The following NR1D2 variants were observed in gnomAD, a reference collection of about 807,000 sequenced individuals.
NR1D2 encodes the protein V-erbA-related protein 1-related.
Under a neutral mutation model 52.2 loss-of-function variants are expected in NR1D2, and 25 were observed. The observed-to-expected ratio is 0.48, with a 90% CI of 0.35 to 0.67. The LOEUF (loss-of-function observed/expected upper bound fraction) is 0.67, where lower values mean the gene tolerates loss of function less well. NR1D2 is among the 30% of genes least tolerant of loss of function. The probability of loss-of-function intolerance (pLI) is 0.01; values close to 1 mark genes in which losing one functional copy is unlikely to be tolerated. For synonymous variants in NR1D2, 259 were observed against 230.1 expected (o/e 1.13, Z -1.14); for missense variants, 681 against 707.2 (o/e 0.96, Z 0.42).
rs920703527 is a variant in NR1D2, at chr3:23,962,436, A to C, written c.977A>C (p.Asn326Thr). Residue 326 changes from asparagine (N) to threonine (T), a missense_variant, in exon 5 of 8, where the codon AAT becomes ACT. Transcript: ENST00000312521. Reference sequence around the variant, plus strand: ...CTCAATGGACAGTTCAAAGGGAGGAATATAATGCATTACCCAAATGGTCAT... The same window carrying C: ...CTCAATGGACAGTTCAAAGGGAGGACTATAATGCATTACCCAAATGGTCAT... ...QHLNGQFKGR[N>T]IMHYPNGHAI... 6.2e-7 allele frequency: 1 copy of C among 1,614,182 alleles called. No homozygotes were observed. Among genetic ancestry groups the C allele is most frequent in the Non-Finnish European group, 8.5e-7 (1 of 1,180,022 alleles).
chr3:23,954,741 G>T lies in NR1D2; in HGVS notation c.221G>T (p.Cys74Phe). The T allele has an allele frequency of 6.2e-7, 1 of 1,614,012 alleles. No individual in the cohort carries two copies. Among genetic ancestry groups the T allele is most frequent in the Non-Finnish European group, 8.5e-7 (1 of 1,179,874 alleles). ...ATCTTGAAGAATGATCGAATAGATTGTTCTATGAAAACAAGCAAATCGAGT... is the reference window on the plus strand; with the variant it reads ...ATCTTGAAGAATGATCGAATAGATTTTTCTATGAAAACAAGCAAATCGAGT... ...EGILKNDRID[C>F]SMKTSKSSAP... Residue 74 changes from cysteine to phenylalanine, a missense_variant, in exon 2 of 8, where the codon TGT becomes TTT. Cys to Phe is a radical substitution (Grantham distance 205). Around this residue, in one of 3 missense-constraint regions of NR1D2, gnomAD observed 94 missense variants for 90.4 expected, o/e 1.04. Coordinates refer to ENST00000312521, the MANE Select transcript of NR1D2 (RefSeq NM_005126.5).
intron 3 of NR1D2, among the ~76,000 whole-genome samples, chr3:23,956,759 C>T (rs1033215726): frequency 3.3e-5 from 5 of 152,168 alleles, no homozygotes; most frequent in African/African-American, 1.2e-4. Context: ...TACCTCCCTA[C>T]CTATATACAG....
At position 23,977,319 on chromosome 3, in the gene NR1D2, A is replaced by G. The variant is rs1050176285; in HGVS notation, c.1640A>G (p.Glu547Gly). 6.2e-7 allele frequency: 1 copy of G among 1,613,392 alleles called. No individual in the cohort carries two copies. Among genetic ancestry groups the G allele is most frequent in the Non-Finnish European group, 8.5e-7 (1 of 1,179,448 alleles). The stretch of plus-strand genomic sequence containing the variant: ...TTAATAATGAAAAACCATCCAAATG[A>G]GGCCTCTATTTTTACAAAACTGCTT... ...RTLIMKNHPN[E>G]ASIFTKLLLK... Residue 547 changes from glutamate (E) to glycine (G), a missense_variant, in exon 8 of 8, where the codon GAG becomes GGG. By Grantham distance (98) the Glu-to-Gly change is moderately conservative. Around this residue, in one of 3 missense-constraint regions of NR1D2, gnomAD observed 475 missense variants for 454.5 expected, o/e 1.05. Coordinates refer to ENST00000312521, the MANE Select transcript of NR1D2 (RefSeq NM_005126.5).
intron 2 of NR1D2, 96 bp from the exon 3 acceptor site, chr3:23,955,941 G>A: frequency 1.3e-6 from 1 of 765,296 alleles, no homozygotes; most frequent in Non-Finnish European, 2.2e-6. Context: ...TCTTCTAAAA[G>A]CTCTTACACG....
intron 5 of NR1D2, among the ~76,000 whole-genome samples, chr3:23,964,384 G>A (rs1429050481): frequency 2.6e-5 from 4 of 152,164 alleles, no homozygotes; most frequent in South Asian, 2.1e-4. Context: ...GCCAGGCAGT[G>A]AGTGACCTTT....
At chr3:23,947,187 C>G (rs985749895) in intron 1 of NR1D2, among the ~76,000 whole-genome samples, 3 of 152,176 alleles carry the variant, frequency 2.0e-5, no homozygotes, top group Non-Finnish European at 4.4e-5. Context: ...GGGTGAACCT[C>G]TTCTAACCCA....
In NR1D2 at chr3:23,979,456, C is replaced by T. The variant is rs375847872; in HGVS notation, c.*2037C>T. On this transcript the variant is annotated 3_prime_UTR_variant, in exon 8 of 8. Coordinates refer to ENST00000312521, the MANE Select transcript of NR1D2 (RefSeq NM_005126.5). ...TAATTTTTGCCTTTTGCATAAGCCTCTTTATAACATGTATCTTTAAAACAA... is the reference window on the plus strand; with the variant it reads ...TAATTTTTGCCTTTTGCATAAGCCTTTTTATAACATGTATCTTTAAAACAA... The T allele has an allele frequency of 3.3e-5, 5 of 151,996 alleles. No individual in the cohort carries two copies. The highest frequency in any genetic ancestry group is 1.2e-4 in the African/African-American group (5 of 41,408). 9.4% of individuals were successfully genotyped at this position (151,996 alleles called of 1,614,324 possible).
At position 23,962,249 on chromosome 3, in the gene NR1D2, A is replaced by T. The variant is rs1273670143; in HGVS notation, c.790A>T (p.Thr264Ser). 6.2e-7 allele frequency: 1 copy of T among 1,614,208 alleles called. No individual in the cohort carries two copies. Among genetic ancestry groups the T allele is most frequent in the African/African-American group, 1.3e-5 (1 of 75,054 alleles). Residue 264 changes from threonine (T) to serine (S), a missense_variant, in exon 5 of 8, where the codon ACC becomes TCC. Thr to Ser is a moderately conservative substitution (Grantham distance 58, BLOSUM62 1). Transcript: ENST00000312521. Reference protein sequence around the residue: ...IGMVTRAHKDTFMYNQEQQEN... With the variant: ...IGMVTRAHKDSFMYNQEQQEN... ...CATGGTGACCAGAGCTCACAAGGATACCTTTATGTATAATCAAGAGCAGCA... is the reference window on the plus strand; with the variant it reads ...CATGGTGACCAGAGCTCACAAGGATTCCTTTATGTATAATCAAGAGCAGCA...
chr3:23,965,198 G>T (rs374817757), intron 6 of NR1D2, 36 bp downstream of exon 6: 4 of 1,349,490 alleles, frequency 3.0e-6, no homozygotes, highest in Non-Finnish European at 4.1e-6. Context: ...GATGCAGGCA[G>T]GGCATGTAGT....
At position 23,961,983 on chromosome 3, in the gene NR1D2, G is replaced by A; in HGVS notation, c.524G>A (p.Arg175Gln). The change falls in exon 5 of 8, where the codon CGG becomes CAG. Residue 175 changes from arginine (R) to glutamine (Q), a missense_variant. By Grantham distance (43) the Arg-to-Gln change is conservative. Transcript: ENST00000312521. ...ATATCTTTTTCTTCAATAGCTGTTCGGTTTGGTCGTATTCCTAAGCGTGAA... is the reference window on the plus strand; with the variant it reads ...ATATCTTTTTCTTCAATAGCTGTTCAGTTTGGTCGTATTCCTAAGCGTGAA... The part of the protein sequence containing the change: ...LSVGMSRDAV[R>Q]FGRIPKREKQ... The A allele has an allele frequency of 1.3e-6, 2 of 1,594,648 alleles. No homozygotes were observed. Among genetic ancestry groups the A allele is most frequent in the Non-Finnish European group, 1.7e-6 (2 of 1,169,294 alleles).
chr3:23,954,505 TC>T (rs749715729), intron 1 of NR1D2, 31 bp from the exon 2 acceptor site: 2 of 1,587,474 alleles, frequency 1.3e-6, no homozygotes, highest in South Asian at 2.2e-5. Flanking sequence ...TTATCTTGTA[TC>T]TAATTATGTG....
Position 23,959,787 on chromosome 3 carries a change from G to A in NR1D2, c.489G>A (p.Lys163=), listed in dbSNP as rs755016568. 1.8e-5 allele frequency: 29 copies of A among 1,613,542 alleles called. No homozygotes were observed. The African/African-American group carries it at 3.2e-4, about 18-fold the overall frequency. The change falls in exon 4 of 8, where the codon AAG becomes AAA. Residue 163 remains lysine, a synonymous_variant. Coordinates refer to ENST00000312521, the MANE Select transcript of NR1D2 (RefSeq NM_005126.5). The part of the protein sequence containing the change: ...RNRCQQCRFK[K]CLSVGMSRDA... ...GATGTCAGCAATGTCGCTTCAAAAAGTGTCTGTCTGTTGGAATGTCAAGAG... is the reference window on the plus strand; with the variant it reads ...GATGTCAGCAATGTCGCTTCAAAAAATGTCTGTCTGTTGGAATGTCAAGAG...
At chr3:23,957,813 C>A (rs1706126615) in intron 3 of NR1D2, among the ~76,000 whole-genome samples, 1 of 152,108 alleles carries the variant, frequency 6.6e-6, no homozygotes, top group South Asian at 2.1e-4. Flanking sequence ...GAGCTGATTG[C>A]ATATTCTTGA....
At chr3:23,961,420 G>T (rs1422395713) in intron 4 of NR1D2, among the ~76,000 whole-genome samples, 1 of 124,086 alleles carries the variant, frequency 8.1e-6, no homozygotes, top group Non-Finnish European at 1.6e-5. Context: ...TTTTAAGATG[G>T]AGTATTGCTC....
intron 7 of NR1D2, 53 bp from the exon 8 acceptor site, chr3:23,977,170 A>G (rs866575248): frequency 2.1e-5 from 21 of 980,868 alleles, no homozygotes; most frequent in Middle Eastern, 5.5e-4. Context: ...TTTATATTTA[A>G]TGTTAATAAT....
At chr3:23,968,792 G>C (rs1327015201) in intron 7 of NR1D2, among the ~76,000 whole-genome samples, 1 of 152,094 alleles carries the variant, frequency 6.6e-6, no homozygotes, top group Non-Finnish European at 1.5e-5. Context: ...TACTTTCCTG[G>C]GTATGTCTAA....
chr3:23,945,844 C>G (rs1392636891), intron 1 of NR1D2, among the ~76,000 whole-genome samples: 2 of 150,740 alleles, frequency 1.3e-5, no homozygotes, highest in African/African-American at 2.4e-5. Flanking sequence ...TCACATGGCC[C>G]GGCCGCGCGA....
chr3:23,947,163 T>C (rs572274468), intron 1 of NR1D2, among the ~76,000 whole-genome samples: 25 of 152,358 alleles, frequency 1.6e-4, no homozygotes, highest in African/African-American at 5.8e-4. Context: ...CATGTTAGAA[T>C]TCAGAGGTGA....
rs969798533 is a variant in NR1D2, at chr3:23,946,049, G to C, written c.16+455G>C. On this transcript the variant is annotated intron_variant, in intron 1 of 7. Transcript: ENST00000312521. ...GGCGGGGGCGCGCGCGCGCGCGCTG[G>C]CTGGGAGCGCCGCAGCCTCCCGGGA... 4 of 964,442 alleles carry C rather than the reference G, an allele frequency of 4.1e-6. No homozygotes were observed. In the African/African-American group the frequency reaches 7.1e-5, roughly 17 times the overall value. The allele number at this position is 964,442 out of a possible 1,614,324, so 59.7% of individuals were successfully genotyped here.
Sources: allele counts gnomAD v4.1 joint callset (sites outside exome capture counted in the v4.1 genomes callset), GRCh38; gene constraint gnomAD v4.1.1; regional missense constraint gnomAD v4.1.1; transcripts MANE v1.5; gene names NCBI Gene and HGNC (gene_info 2026-07-23, HGNC 2026-07-21).